Variants in CDH12 observed in about 807,000 individuals in gnomAD.
CDH12 encodes cadherin-12.
CDH12 carries 41 observed loss-of-function variants against 74.1 expected under a neutral mutation model. That is an observed-to-expected ratio of 0.55 (90% CI 0.43 to 0.72). The LOEUF (loss-of-function observed/expected upper bound fraction) is 0.72, where lower values mean the gene tolerates loss of function less well. Ranked by LOEUF, CDH12 falls within the 30% of genes least tolerant of loss-of-function variation. The probability of loss-of-function intolerance (pLI) is 0.00; values close to 1 mark genes in which losing one functional copy is unlikely to be tolerated. For synonymous variants in CDH12, 399 were observed against 355.0 expected (o/e 1.12, Z -1.39); for missense variants, 945 against 977.2 (o/e 0.97, Z 0.44).
At chr5:22,009,955 A>AAAAAG (rs1561017012) in intron 5 of CDH12, among the ~76,000 whole-genome samples, 4 of 151,116 alleles carry the variant, frequency 2.6e-5, no homozygotes, top group African/African-American at 7.3e-5. Context: ...AAAAAAAAAA[A>AAAAAG]AAAAGAAAAA....
chr5:22,160,572 A>T (rs149189855), intron 4 of CDH12, among the ~76,000 whole-genome samples: 15,370 of 152,204 alleles, frequency 0.1, 1,169 homozygotes, highest in African/African-American at 0.22. Context: ...CTAAAATAGC[A>T]TATACTGGAT....
chr5:21,821,211 G>T (rs1185776261), intron 8 of CDH12, among the ~76,000 whole-genome samples: 1 of 151,544 alleles, frequency 6.6e-6, no homozygotes, highest in African/African-American at 2.4e-5. Context: ...ACAGGTAGGG[G>T]ACATGCATTG....
chr5:22,468,690 A>C (rs1745836803), intron 2 of CDH12, among the ~76,000 whole-genome samples: 1 of 152,124 alleles, frequency 6.6e-6, no homozygotes, highest in African/African-American at 2.4e-5. Flanking sequence ...ATTATTGTTA[A>C]TTTTATGTAA....
At chr5:21,955,533 A>G (rs1232629110) in intron 6 of CDH12, among the ~76,000 whole-genome samples, 2 of 152,086 alleles carry the variant, frequency 1.3e-5, no homozygotes, top group Admixed American at 1.3e-4. Context: ...ACCAAATTTG[A>G]AGAGAAAAGA....
chr5:22,511,031 A>G (rs1019711780), intron 1 of CDH12, among the ~76,000 whole-genome samples: 4 of 151,928 alleles, frequency 2.6e-5, no homozygotes, highest in African/African-American at 9.7e-5. Flanking sequence ...AGTAGCTGGG[A>G]TTACAGACAC....
intron 4 of CDH12, among the ~76,000 whole-genome samples, chr5:22,088,985 C>A (rs1743237451): frequency 1.3e-5 from 2 of 152,170 alleles, no homozygotes; most frequent in South Asian, 4.1e-4. Context: ...GAACAACATG[C>A]TACTCTGACT....
chr5:22,425,613 G>A (rs1743895366), intron 2 of CDH12, among the ~76,000 whole-genome samples: 1 of 151,742 alleles, frequency 6.6e-6, no homozygotes, highest in Admixed American at 6.6e-5. Flanking sequence ...ACATTACATA[G>A]CTCACATATC....
At chr5:22,034,396 T>C (rs1739030093) in intron 5 of CDH12, among the ~76,000 whole-genome samples, 1 of 152,188 alleles carries the variant, frequency 6.6e-6, no homozygotes, top group South Asian at 2.1e-4. Flanking sequence ...AACAGAATTC[T>C]AGTAATGTCT....
intron 3 of CDH12, among the ~76,000 whole-genome samples, chr5:22,388,695 A>G (rs1460620821): frequency 1.3e-5 from 2 of 152,222 alleles, no homozygotes; most frequent in African/African-American, 4.8e-5. Flanking sequence ...TATTAAAATC[A>G]CAGCAGCTTT....
intron 3 of CDH12, among the ~76,000 whole-genome samples, chr5:22,341,321 C>T (rs930454431): frequency 6.6e-6 from 1 of 151,918 alleles, no homozygotes; most frequent in Non-Finnish European, 1.5e-5. Flanking sequence ...CCTATCTCTA[C>T]AAAAAGAATA....
At chr5:22,462,791 T>A (rs768325722) in intron 2 of CDH12, among the ~76,000 whole-genome samples, 10 of 152,014 alleles carry the variant, frequency 6.6e-5, no homozygotes, top group Non-Finnish European at 1.2e-4. Flanking sequence ...CAGAAAAAAG[T>A]ATGTGAGAAA....
intron 3 of CDH12, among the ~76,000 whole-genome samples, chr5:22,237,474 T>A (rs138756390): frequency 2.0e-5 from 3 of 152,124 alleles, no homozygotes; most frequent in Admixed American, 2.0e-4. Context: ...ACAAATGTGA[T>A]GTGTCCTTAT....
At chr5:22,702,753 C>G (rs906248714) in intron 1 of CDH12, among the ~76,000 whole-genome samples, 1 of 151,968 alleles carries the variant, frequency 6.6e-6, no homozygotes, top group African/African-American at 2.4e-5. Flanking sequence ...CTTTCCTTTG[C>G]TGTTCTTACT....
chr5:22,670,788 C>A (rs1740861948), intron 1 of CDH12, among the ~76,000 whole-genome samples: 1 of 151,876 alleles, frequency 6.6e-6, no homozygotes, highest in Admixed American at 6.6e-5. Flanking sequence ...GTGTTTGGTT[C>A]CTCCCATTTT....
rs1742003109 is a variant in CDH12 at position 22,386,383 on chromosome 5, T to G, written c.-333+18874A>C. 3.3e-5 allele frequency among the ~76,000 whole-genome samples: 5 copies of G among 152,122 alleles called. No homozygotes were observed. The South Asian group carries it at 1.0e-3, about 32-fold the overall frequency. ...CCATTGCCTAATAACATTAACCAAA[T>G]TCTCCCCTAACTTCTTTCAGCACTT... is the stretch of plus-strand genomic sequence containing the variant. On this transcript the variant is annotated intron_variant, in intron 3 of 14. Coordinates refer to ENST00000382254, the MANE Select transcript of CDH12 (RefSeq NM_004061.5).
intron 8 of CDH12, among the ~76,000 whole-genome samples, chr5:21,819,730 CAG>C (rs1268189558): frequency 6.6e-6 from 1 of 151,908 alleles, no homozygotes; most frequent in African/African-American, 2.4e-5. Flanking sequence ...TTCAGAGAGA[CAG>C]AGAGCCGTCA....
chr5:22,145,322 G>C (rs998246047), intron 4 of CDH12, among the ~76,000 whole-genome samples: 2 of 152,020 alleles, frequency 1.3e-5, no homozygotes, highest in Non-Finnish European at 2.9e-5. Flanking sequence ...GGGGATCTAG[G>C]ATTCTATCAC....
At chr5:22,547,931 G>A (rs984313898) in intron 1 of CDH12, among the ~76,000 whole-genome samples, 1 of 152,096 alleles carries the variant, frequency 6.6e-6, no homozygotes, top group Non-Finnish European at 1.5e-5. Context: ...AATATTACAT[G>A]GGGTAAATTT....
intron 4 of CDH12, chr5:22,172,540 G>C (rs1439102723): frequency 1.3e-5 from 2 of 151,838 alleles, no homozygotes; most frequent in African/African-American, 4.8e-5. Context: ...AGGACTAAAA[G>C]GTTCATAGTT....
Sources: allele counts gnomAD v4.1 joint callset (sites outside exome capture counted in the v4.1 genomes callset), GRCh38; gene constraint gnomAD v4.1.1; transcripts MANE v1.5; gene names NCBI Gene and HGNC (gene_info 2026-07-23, HGNC 2026-07-21).